Variants in RYR2 observed in about 807,000 individuals in gnomAD.
The protein encoded by RYR2 is cardiac muscle ryanodine receptor-calcium release channel.
In RYR2, 227 loss-of-function variants were observed where a neutral mutation model predicts 601.1. That is an observed-to-expected ratio of 0.38 (90% CI 0.34 to 0.42). RYR2 has a LOEUF of 0.42. Among genes scored for constraint, RYR2 ranks in the 10% least tolerant of loss-of-function variants. RYR2 has a pLI of 1.00. For missense variants in RYR2, 4,646 were observed against 6,156.5 expected (o/e 0.75, Z 8.21); for synonymous variants, 2,223 against 2,175.1 (o/e 1.02, Z -0.61).
At position 237,708,970 on chromosome 1, in the gene RYR2, C is replaced by G. The variant is rs750010771; in HGVS notation, c.10014C>G (p.Asp3338Glu). Residue 3338 changes from aspartate (D) to glutamate (E), a missense_variant, in exon 69 of 105, where the codon GAC becomes GAG. By Grantham distance (45) the Asp-to-Glu change is conservative. Around this residue, in one of 17 missense-constraint regions of RYR2, gnomAD observed 1,497 missense variants for 1,842.6 expected, o/e 0.81. Transcript: ENST00000366574. ...KKAATVVSEE[D>E]HLKAEARGDM... ...CAGCTACGGTGGTGTCTGAGGAAGACCACCTGAAAGCTGAGGCCAGGGGGG... is the reference window on the plus strand; with the variant it reads ...CAGCTACGGTGGTGTCTGAGGAAGAGCACCTGAAAGCTGAGGCCAGGGGGG... 1 of 1,613,724 alleles carries G rather than the reference C, an allele frequency of 6.2e-7. No homozygotes were observed. The highest frequency in any genetic ancestry group is 8.5e-7 in the Non-Finnish European group (1 of 1,179,732).
chr1:237,576,712 A>G (rs560823622), intron 29 of RYR2, among the ~76,000 whole-genome samples: 1 of 152,288 alleles, frequency 6.6e-6, no homozygotes, highest in South Asian at 2.1e-4. Flanking sequence ...ACAGTCAGGT[A>G]TTAATGGGGA....
At position 237,404,249 on chromosome 1, in the gene RYR2, G is replaced by T. The variant is rs1437311923; in HGVS notation, c.774-12800G>T. ...CACTCCAGCTGTGGTGACAGAGGGAGACCCTGTCTCAAAACAAAAAATTAT... is the reference window on the plus strand; with the variant it reads ...CACTCCAGCTGTGGTGACAGAGGGATACCCTGTCTCAAAACAAAAAATTAT... On this transcript the variant is annotated intron_variant, in intron 10 of 104. Coordinates refer to ENST00000366574, the MANE Select transcript of RYR2 (RefSeq NM_001035.3). Among the ~76,000 whole-genome samples, 4 of 152,134 alleles carry T rather than the reference G, an allele frequency of 2.6e-5. 1 individual carries two copies. Among genetic ancestry groups the T allele is most frequent in the Admixed American group, 1.3e-4 (2 of 15,274 alleles).
At chr1:237,154,385 C>A (rs1344140834) in intron 1 of RYR2, among the ~76,000 whole-genome samples, 1 of 152,182 alleles carries the variant, frequency 6.6e-6, no homozygotes, top group Non-Finnish European at 1.5e-5. Context: ...TTGAAACCTG[C>A]AGTGATTCAG....
chr1:237,056,892 C>T (rs945678017), intron 1 of RYR2, among the ~76,000 whole-genome samples: 1 of 152,178 alleles, frequency 6.6e-6, no homozygotes, highest in African/African-American at 2.4e-5. Context: ...CTCCCACCCT[C>T]GGAAGGAACC....
intron 43 of RYR2, among the ~76,000 whole-genome samples, chr1:237,633,995 C>A: frequency 6.6e-6 from 1 of 151,910 alleles, no homozygotes; most frequent in Non-Finnish European, 1.5e-5. Flanking sequence ...AAAAGGGAAC[C>A]CTTATACATG....
chr1:237,203,778 A>T (rs1681464746), intron 1 of RYR2, among the ~76,000 whole-genome samples: 1 of 152,216 alleles, frequency 6.6e-6, no homozygotes, highest in African/African-American at 2.4e-5. Flanking sequence ...AGAAATGTAT[A>T]CACACATGTT....
At chr1:237,506,479 AG>A (rs755313437) in intron 22 of RYR2, among the ~76,000 whole-genome samples, 5 of 151,826 alleles carry the variant, frequency 3.3e-5, no homozygotes, top group African/African-American at 4.8e-5. Context: ...CGGAGCTTGC[AG>A]TGAGCAGAGA....
chr1:237,793,419 G>T (rs889689450), intron 94 of RYR2, among the ~76,000 whole-genome samples: 1 of 152,178 alleles, frequency 6.6e-6, no homozygotes, highest in Admixed American at 6.5e-5. Flanking sequence ...TCTCAAAATA[G>T]TATGTGGTGA....
chr1:237,201,791 G>A (rs965779206), intron 1 of RYR2, among the ~76,000 whole-genome samples: 5 of 152,170 alleles, frequency 3.3e-5, no homozygotes, highest in African/African-American at 9.7e-5. Context: ...CGGGAAGGCT[G>A]ATGACAGTCC....
chr1:237,488,994 C>T (rs918042486), intron 17 of RYR2, among the ~76,000 whole-genome samples: 2 of 152,034 alleles, frequency 1.3e-5, no homozygotes, highest in African/African-American at 2.4e-5. Flanking sequence ...TATTACAGGC[C>T]GCGTGGACCA....
At chr1:237,123,632 T>G (rs1253431153) in intron 1 of RYR2, among the ~76,000 whole-genome samples, 3 of 150,758 alleles carry the variant, frequency 2.0e-5, no homozygotes. Context: ...ACTTTCTCCT[T>G]TGATCCTATC....
In RYR2 at chr1:237,660,874, G is replaced by A. The variant is rs1374332710; in HGVS notation, c.8363G>A (p.Arg2788Lys). 1.2e-5 allele frequency: 19 copies of A among 1,542,556 alleles called. No individual in the cohort carries two copies. The highest frequency in any genetic ancestry group is 1.6e-5 in the Non-Finnish European group (18 of 1,141,656). Residue 2788 changes from arginine (R) to lysine (K), a missense_variant, in exon 56 of 105, where the codon AGA becomes AAA. Arg to Lys is a conservative substitution (Grantham distance 26). Around this residue, in one of 17 missense-constraint regions of RYR2, gnomAD observed 1,497 missense variants for 1,842.6 expected, o/e 0.81. Transcript: ENST00000366574. ...SLKTMLAWGW[R>K]IERTREGDSM... ...AAAACTATGCTGGCTTGGGGCTGGA[G>A]AATTGAAAGAACTCGGGAGGGAGAC...
intron 29 of RYR2, among the ~76,000 whole-genome samples, chr1:237,583,766 C>T (rs1674193541): frequency 6.6e-6 from 1 of 152,028 alleles, no homozygotes; most frequent in Non-Finnish European, 1.5e-5. Context: ...TTATTGTAGC[C>T]CCAAACAGAG....
At chr1:237,577,135 A>G (rs989458437) in intron 29 of RYR2, among the ~76,000 whole-genome samples, 14 of 152,218 alleles carry the variant, frequency 9.2e-5, no homozygotes, top group African/African-American at 3.4e-4. Context: ...GTGTCTCAAC[A>G]GCAGGAGATA....
At chr1:237,272,981 G>C (rs888759960) in intron 2 of RYR2, among the ~76,000 whole-genome samples, 1 of 152,160 alleles carries the variant, frequency 6.6e-6, no homozygotes, top group Non-Finnish European at 1.5e-5. Context: ...CAAAGGAAAT[G>C]ATTTTATGGA....
At chr1:237,379,432 C>T (rs1364542052) in intron 8 of RYR2, among the ~76,000 whole-genome samples, 1 of 152,126 alleles carries the variant, frequency 6.6e-6, no homozygotes, top group Non-Finnish European at 1.5e-5. Flanking sequence ...TGCTGATAAT[C>T]ATGCATAGTG....
intron 63 of RYR2, among the ~76,000 whole-genome samples, chr1:237,691,670 A>T (rs1686956575): frequency 6.6e-6 from 1 of 152,238 alleles, no homozygotes; most frequent in African/African-American, 2.4e-5. Flanking sequence ...TAAGGTTTTT[A>T]AAAAGGAAGA....
chr1:237,716,462 A>T (rs1689273923), intron 71 of RYR2, among the ~76,000 whole-genome samples: 1 of 152,202 alleles, frequency 6.6e-6, no homozygotes, highest in Non-Finnish European at 1.5e-5. Context: ...TAATTTTGAC[A>T]TTAGAACATG....
chr1:237,093,461 G>A (rs937596698), intron 1 of RYR2, among the ~76,000 whole-genome samples: 2 of 152,210 alleles, frequency 1.3e-5, no homozygotes, highest in Non-Finnish European at 2.9e-5. Flanking sequence ...ATCAAGGACA[G>A]CACAGAGGAA....
Sources: allele counts gnomAD v4.1 joint callset (sites outside exome capture counted in the v4.1 genomes callset), GRCh38; gene constraint gnomAD v4.1.1; regional missense constraint gnomAD v4.1.1; transcripts MANE v1.5; gene names NCBI Gene and HGNC (gene_info 2026-07-23, HGNC 2026-07-21).